FRMD4A: variants seen among roughly 807,000 people sequenced by gnomAD.
The protein encoded by FRMD4A is FERM domain containing 4A.
FRMD4A carries 29 observed loss-of-function variants against 129.1 expected under a neutral mutation model. The ratio of observed to expected loss-of-function variants is 0.22; its 90% CI spans 0.17 to 0.31. FRMD4A has a LOEUF of 0.31. Ranked by LOEUF, FRMD4A falls within the 10% of genes least tolerant of loss-of-function variation. FRMD4A has a pLI of 1.00. For synonymous variants in FRMD4A, 634 were observed against 571.6 expected, an observed-to-expected ratio of 1.11 and a Z score of -1.56; for missense variants, 1,272 against 1,375.8, an observed-to-expected ratio of 0.92 and a Z score of 1.19.
rs182560857 is a variant in FRMD4A at position 14,272,799 on chromosome 10, C to T, written c.45+57259G>A. Among the ~76,000 whole-genome samples the T allele has an allele frequency of 9.2e-5, 14 of 152,306 alleles. No individual in the cohort carries two copies. In the East Asian group the frequency reaches 2.1e-3, roughly 23 times the overall value. On this transcript the variant is annotated intron_variant, in intron 2 of 24. Transcript: ENST00000357447. The stretch of plus-strand genomic sequence containing the variant: ...ATTGACTTGCCTTAATCTCTTACTT[C>T]ACAATGGGGCTTGAATTTCACTTTC...
At chr10:14,142,554 C>T (rs1014123089) in intron 2 of FRMD4A, among the ~76,000 whole-genome samples, 1 of 152,154 alleles carries the variant, frequency 6.6e-6, no homozygotes, top group Non-Finnish European at 1.5e-5. Context: ...AGTTAGTGTA[C>T]AATAAGCAAC....
At chr10:14,002,975 G>A (rs1435809493) in intron 2 of FRMD4A, among the ~76,000 whole-genome samples, 1 of 152,178 alleles carries the variant, frequency 6.6e-6, no homozygotes, top group Non-Finnish European at 1.5e-5. Context: ...GGGAAGAGGT[G>A]AGGCTGGAGG....
rs529456639 is a variant in FRMD4A at position 14,150,502 on chromosome 10, C to A, written c.45+179556G>T. ...GAACTGTTCTAGATTACATTCCTGT[C>A]CAGCCAATGGATCTGCTTGTACTTC... On this transcript the variant is annotated intron_variant, in intron 2 of 24. Transcript: ENST00000357447. Among the ~76,000 whole-genome samples the A allele has an allele frequency of 2.6e-5, 4 of 152,244 alleles. 1 individual carries two copies. The South Asian group carries it at 8.3e-4, about 32-fold the overall frequency.
intron 2 of FRMD4A, among the ~76,000 whole-genome samples, chr10:14,119,034 T>C (rs776615239): frequency 2.6e-4 from 40 of 152,208 alleles, no homozygotes; most frequent in Non-Finnish European, 3.5e-4. Flanking sequence ...GAGTAGGCCT[T>C]TGTTGGAGGA....
chr10:14,261,837 T>G (rs917428446), intron 2 of FRMD4A, among the ~76,000 whole-genome samples: 1 of 152,022 alleles, frequency 6.6e-6, no homozygotes, highest in African/African-American at 2.4e-5. Context: ...CTCTTAATAC[T>G]TACTCTAGGT....
At chr10:14,206,353 G>A (rs1033934101) in intron 2 of FRMD4A, among the ~76,000 whole-genome samples, 8 of 152,232 alleles carry the variant, frequency 5.3e-5, no homozygotes, top group Middle Eastern at 3.4e-3. Flanking sequence ...ACAAAAAAAC[G>A]CAATTGCAGC....
intron 5 of FRMD4A, among the ~76,000 whole-genome samples, chr10:13,789,968 T>C (rs184262940): frequency 5.3e-5 from 8 of 152,036 alleles, no homozygotes; most frequent in African/African-American, 1.9e-4. Flanking sequence ...AGTGTCTTCA[T>C]ATAGGGGAGT....
rs559292469 is a variant in FRMD4A, at chr10:14,247,730, C to T, written c.45+82328G>A. ...AGAGGGAAGAGAGGGGAAGGCCTTA[C>T]GGGGCACAGGACCCGCTCTGATTGT... On this transcript the variant is annotated intron_variant, in intron 2 of 24. Transcript: ENST00000357447. 3.8e-4 allele frequency among the ~76,000 whole-genome samples: 58 copies of T among 152,276 alleles called. No individual in the cohort carries two copies. In the South Asian group the frequency reaches 0.011, roughly 28 times the overall value.
At chr10:14,282,318 C>T (rs552939672) in intron 2 of FRMD4A, among the ~76,000 whole-genome samples, 5 of 152,284 alleles carry the variant, frequency 3.3e-5, no homozygotes, top group East Asian at 1.9e-4. Flanking sequence ...TTGATTTAGG[C>T]TCTGATCTAG....
In FRMD4A at chr10:13,891,504, C is replaced by T. The variant is rs1283367183; in HGVS notation, c.46-32592G>A. On this transcript the variant is annotated intron_variant, in intron 2 of 24. Coordinates refer to ENST00000357447, the MANE Select transcript of FRMD4A (RefSeq NM_018027.5). ...CATACGCGAAATAAACGACTCCAGG[C>T]CCCCAGTAAAGAAGCAGCGGCGCGT... 4.6e-6 allele frequency: 3 copies of T among 655,110 alleles called. No individual in the cohort carries two copies. In the African/African-American group the frequency reaches 5.9e-5, roughly 13 times the overall value. 40.6% of individuals were successfully genotyped at this position (655,110 alleles called of 1,614,324 possible).
intron 3 of FRMD4A, among the ~76,000 whole-genome samples, chr10:13,819,551 T>C (rs1331865032): frequency 1.3e-5 from 2 of 152,160 alleles, no homozygotes; most frequent in East Asian, 3.9e-4. Context: ...TTTGTTACAC[T>C]CTATAGCAGG....
rs2083015494 is a variant in FRMD4A at position 13,666,099 on chromosome 10, T to C, written c.1601A>G (p.Asp534Gly). 1 of 1,596,300 alleles carries C rather than the reference T, an allele frequency of 6.3e-7. No homozygotes were observed. The change falls in exon 18 of 25, where the codon GAC becomes GGC. Residue 534 changes from aspartate (D) to glycine (G), a missense_variant and splice_region_variant. Asp to Gly is a moderately conservative substitution (Grantham distance 94). Transcript: ENST00000357447. ...KPTQRASLIIDDGNIASEDSS... is the reference protein window; with the variant it reads ...KPTQRASLIIGDGNIASEDSS... ...GGGGCAGCCCGGTTGGCACTGACCG[T>C]CTATGATCAGCGAAGCCCTCTGGGT...
intron 2 of FRMD4A, among the ~76,000 whole-genome samples, chr10:14,223,874 C>A (rs1001954159): frequency 7.2e-5 from 11 of 152,086 alleles, no homozygotes; most frequent in African/African-American, 2.7e-4. Context: ...CTCTGCAACC[C>A]ATGGGCACCT....
At chr10:14,233,272 C>G (rs1233387754) in intron 2 of FRMD4A, among the ~76,000 whole-genome samples, 1 of 152,154 alleles carries the variant, frequency 6.6e-6, no homozygotes, top group Admixed American at 6.5e-5. Context: ...TATCCTCACA[C>G]AAAACTCAGT....
chr10:14,315,693 CCCTAAATT>C (rs1226939078), intron 2 of FRMD4A, among the ~76,000 whole-genome samples: 1 of 152,158 alleles, frequency 6.6e-6, no homozygotes, highest in Non-Finnish European at 1.5e-5. Context: ...GCTTCAGAAC[CCCTAAATT>C]CCATGACTTT....
intron 12 of FRMD4A, chr10:13,707,652 T>G: frequency 1.0e-6 from 1 of 986,854 alleles, no homozygotes; most frequent in Non-Finnish European, 1.2e-6. Context: ...CTCACTAATG[T>G]GTAAGAGCCT....
At chr10:14,168,106 G>A (rs769864425) in intron 2 of FRMD4A, among the ~76,000 whole-genome samples, 8 of 152,190 alleles carry the variant, frequency 5.3e-5, no homozygotes, top group South Asian at 2.1e-4. Flanking sequence ...GAAGAGAGAC[G>A]AGGCAGAATG....
chr10:13,858,358 C>T (rs955502445), intron 3 of FRMD4A, among the ~76,000 whole-genome samples: 12 of 152,208 alleles, frequency 7.9e-5, no homozygotes, highest in African/African-American at 2.9e-4. Context: ...TCGCTTGAAC[C>T]TGGGAGGCAG....
intron 2 of FRMD4A, among the ~76,000 whole-genome samples, chr10:14,026,651 T>C (rs1167292786): frequency 1.3e-5 from 2 of 152,250 alleles, no homozygotes; most frequent in Non-Finnish European, 2.9e-5. Context: ...TAGGGGCTCA[T>C]GGTTTTGCCA....
Sources: gnomAD v4.1 joint callset for allele counts (sites outside exome capture counted in the v4.1 genomes callset) on GRCh38, gnomAD v4.1.1 for gene constraint, MANE v1.5 for transcripts, NCBI Gene and HGNC (gene_info 2026-07-23, HGNC 2026-07-21) for gene names.